The following SDK1 variants were observed in gnomAD, a reference collection of about 807,000 sequenced individuals.
SDK1 encodes the protein protein sidekick-1.
In SDK1, 157 loss-of-function variants were observed where a neutral mutation model predicts 245.5. That is an observed-to-expected ratio of 0.64 (90% confidence interval 0.56 to 0.73). The LOEUF (loss-of-function observed/expected upper bound fraction) is 0.73, where lower values mean the gene tolerates loss of function less well. SDK1 is among the 30% of genes least tolerant of loss of function. The pLI is 0.00. For synonymous variants in SDK1, 1,647 were observed against 1,278.5 expected (o/e 1.29, Z -6.15); for missense variants, 3,583 against 3,002.3 (o/e 1.19, Z -4.52).
chr7:3,868,838 G>C (rs564381029), intron 5 of SDK1, among the ~76,000 whole-genome samples: 1 of 152,152 alleles, frequency 6.6e-6, no homozygotes, highest in African/African-American at 2.4e-5. Flanking sequence ...CATCATTTCA[G>C]CCTTCAGAGT....
chr7:3,578,688 C>G (rs1780384837), intron 1 of SDK1, among the ~76,000 whole-genome samples: 1 of 151,838 alleles, frequency 6.6e-6, no homozygotes, highest in East Asian at 1.9e-4. Flanking sequence ...TTTAGCAACA[C>G]CTCTCCTGCT....
intron 5 of SDK1, among the ~76,000 whole-genome samples, chr7:3,900,137 A>C (rs1781737104): frequency 6.6e-6 from 1 of 152,134 alleles, no homozygotes; most frequent in Non-Finnish European, 1.5e-5. Flanking sequence ...GAAACCATGA[A>C]CCTGAAGTTG....
At chr7:3,405,417 G>A (rs896284270) in intron 1 of SDK1, among the ~76,000 whole-genome samples, 3 of 152,158 alleles carry the variant, frequency 2.0e-5, no homozygotes, top group Admixed American at 2.0e-4. Flanking sequence ...CAGGCTGTGG[G>A]CTGACCACCG....
At chr7:3,961,659 C>T (rs1020257950) in intron 8 of SDK1, among the ~76,000 whole-genome samples, 2 of 152,158 alleles carry the variant, frequency 1.3e-5, no homozygotes, top group Non-Finnish European at 2.9e-5. Context: ...TAACAAATTG[C>T]TCCTCTGAGA....
chr7:3,861,085 T>C (rs953740664), intron 5 of SDK1, among the ~76,000 whole-genome samples: 1 of 152,190 alleles, frequency 6.6e-6, no homozygotes, highest in Non-Finnish European at 1.5e-5. Flanking sequence ...CCAAGCTCTG[T>C]AACCCTTCAG....
intron 1 of SDK1, among the ~76,000 whole-genome samples, chr7:3,588,582 T>G (rs1583200314): frequency 6.6e-6 from 1 of 152,102 alleles, no homozygotes; most frequent in African/African-American, 2.4e-5. Context: ...ATTGTTGAGG[T>G]GATGAAAGTC....
chr7:4,227,658 A>G (rs951462657), intron 40 of SDK1, among the ~76,000 whole-genome samples: 1 of 152,254 alleles, frequency 6.6e-6, no homozygotes, highest in Non-Finnish European at 1.5e-5. Flanking sequence ...TTCATTCAGC[A>G]TGGAGACCCT....
At chr7:3,627,600 G>A (rs1782160614) in intron 2 of SDK1, among the ~76,000 whole-genome samples, 1 of 152,222 alleles carries the variant, frequency 6.6e-6, no homozygotes, top group Non-Finnish European at 1.5e-5. Context: ...CTCAGCATCA[G>A]TCTCTGCCGT....
intron 1 of SDK1, among the ~76,000 whole-genome samples, chr7:3,493,601 A>G (rs1781931251): frequency 6.6e-6 from 1 of 152,248 alleles, no homozygotes. Context: ...TAACTAAAGG[A>G]AAGCAGAATT....
At chr7:3,573,219 G>A (rs548246535) in intron 1 of SDK1, among the ~76,000 whole-genome samples, 1 of 152,254 alleles carries the variant, frequency 6.6e-6, no homozygotes, top group Admixed American at 6.5e-5. Flanking sequence ...TGTGCTGGGA[G>A]GGTGGAGGAA....
chr7:4,134,311 T>C (rs1216692862), intron 28 of SDK1, among the ~76,000 whole-genome samples: 4 of 152,198 alleles, frequency 2.6e-5, no homozygotes, highest in Non-Finnish European at 5.9e-5. Context: ...AAAATCTCAG[T>C]TGAGCAGCCA....
intron 1 of SDK1, among the ~76,000 whole-genome samples, chr7:3,346,827 ATTTTTTTTT>A (rs1163275778): frequency 1.2e-4 from 2 of 16,388 alleles, no homozygotes; most frequent in African/African-American, 4.6e-4. Flanking sequence ...ATATATATAT[ATTTTTTTTT>A]TTTTTTTTTT....
intron 4 of SDK1, among the ~76,000 whole-genome samples, chr7:3,811,182 C>A (rs907025096): frequency 1.3e-5 from 2 of 152,162 alleles, no homozygotes; most frequent in Admixed American, 1.3e-4. Context: ...TCATCAGTGT[C>A]CTTTTGATGT....
In SDK1 at chr7:3,477,286, C is replaced by G. The variant is rs116835144; in HGVS notation, c.299-141794C>G. Reference sequence around the variant, plus strand: ...TCTTGGCTCAGTGCAGTCTCCATCTCCTGGCTTCAAGCCATTCTCCTGCCT... The same window carrying G: ...TCTTGGCTCAGTGCAGTCTCCATCTGCTGGCTTCAAGCCATTCTCCTGCCT... On this transcript the variant is annotated intron_variant, in intron 1 of 44. Transcript: ENST00000404826. Among the ~76,000 whole-genome samples the G allele has an allele frequency of 5.2e-3, 720 of 137,380 alleles. 10 individuals carry two copies. Among genetic ancestry groups the G allele is most frequent in the African/African-American group, 0.018 (677 of 36,672 alleles). The allele number at this position is 137,380 out of a possible 152,430, so 90.1% of individuals were successfully genotyped here.
chr7:3,428,915 C>G (rs1779751538), intron 1 of SDK1, among the ~76,000 whole-genome samples: 2 of 152,196 alleles, frequency 1.3e-5, no homozygotes, highest in Non-Finnish European at 2.9e-5. Context: ...TTGAGATACT[C>G]TGCTTAGGAT....
intron 4 of SDK1, among the ~76,000 whole-genome samples, chr7:3,791,615 C>T (rs1285788812): frequency 6.6e-6 from 1 of 152,152 alleles, no homozygotes; most frequent in African/African-American, 2.4e-5. Flanking sequence ...CACTTGCTCC[C>T]TTGGGTGGGG....
At position 3,643,963 on chromosome 7, in the gene SDK1, CGT is replaced by C. The variant is rs1782739350; in HGVS notation, c.713+1860_713+1861del. Among the ~76,000 whole-genome samples the C allele has an allele frequency of 2.0e-5, 3 of 150,500 alleles. No homozygotes were observed. In the South Asian group the frequency reaches 6.3e-4, roughly 32 times the overall value. Reference sequence around the variant, plus strand: ...TGTCACCCAGGCTGAGGTACAGTGGCGTGATCTCAGCTCACTGCAACCTTTCC... The same window carrying C: ...TGTCACCCAGGCTGAGGTACAGTGGCGATCTCAGCTCACTGCAACCTTTCC... On this transcript the variant is annotated intron_variant, in intron 4 of 44. Transcript: ENST00000404826.
intron 7 of SDK1, among the ~76,000 whole-genome samples, chr7:3,953,251 C>T (rs564678250): frequency 1.3e-4 from 20 of 152,102 alleles, no homozygotes; most frequent in Admixed American, 5.9e-4. Context: ...ACCTTGATCA[C>T]GTCCCATTCC....
intron 4 of SDK1, among the ~76,000 whole-genome samples, chr7:3,678,113 A>G (rs1393765153): frequency 6.6e-6 from 1 of 152,242 alleles, no homozygotes; most frequent in Non-Finnish European, 1.5e-5. Context: ...AACAGCTAAT[A>G]TAAAAAGTAG....
Sources: gnomAD v4.1 joint callset for allele counts (sites outside exome capture counted in the v4.1 genomes callset) on GRCh38, gnomAD v4.1.1 for gene constraint, MANE v1.5 for transcripts, NCBI Gene and HGNC (gene_info 2026-07-23, HGNC 2026-07-21) for gene names.